The following WDR64 variants were observed in gnomAD, a reference collection of about 807,000 sequenced individuals.
WDR64 encodes the protein WD repeat domain 64, also known as WD repeat-containing protein 64.
Under a neutral mutation model 139.3 loss-of-function variants are expected in WDR64, and 112 were observed. That is an observed-to-expected ratio of 0.80 (90% CI 0.69 to 0.94). The LOEUF (loss-of-function observed/expected upper bound fraction) is 0.94, where lower values mean the gene tolerates loss of function less well. Among genes scored for constraint, WDR64 ranks in the 40% least tolerant of loss-of-function variants. WDR64 has a pLI of 0.00. For synonymous variants in WDR64, 444 were observed against 437.7 expected, an observed-to-expected ratio of 1.01 and a Z score of -0.18; for missense variants, 1,206 against 1,293.1, an observed-to-expected ratio of 0.93 and a Z score of 1.03.
chr1:241,791,980 T>C (rs1659227491), intron 25 of WDR64, among the ~76,000 whole-genome samples: 1 of 152,230 alleles, frequency 6.6e-6, no homozygotes, highest in Non-Finnish European at 1.5e-5. Context: ...AGATATAAAA[T>C]GATTCTTTAA....
At chr1:241,692,983 A>G (rs1558475593) in intron 8 of WDR64, among the ~76,000 whole-genome samples, 1 of 152,218 alleles carries the variant, frequency 6.6e-6, no homozygotes, top group Non-Finnish European at 1.5e-5. Context: ...TGGTGCAGTG[A>G]CTTTAGAATT....
intron 26 of WDR64, 111 bp from the exon 27 acceptor site, chr1:241,796,146 G>C: frequency 1.9e-6 from 1 of 521,856 alleles, no homozygotes; most frequent in Non-Finnish European, 3.4e-6. Context: ...AAGAAGGGGG[G>C]TGTGTATTTT....
chr1:241,680,061 A>T (rs146784630), intron 6 of WDR64, among the ~76,000 whole-genome samples: 2 of 152,314 alleles, frequency 1.3e-5, no homozygotes, highest in African/African-American at 4.8e-5. Context: ...ATTTGCAGAC[A>T]CTTAGAAGTA....
At chr1:241,690,684 CA>C (rs1252362333) in intron 8 of WDR64, among the ~76,000 whole-genome samples, 6 of 151,700 alleles carry the variant, frequency 4.0e-5, no homozygotes. Flanking sequence ...CTTTCTCGGA[CA>C]AACAGAAATT....
At chr1:241,758,665 CAAACTGTCCCATCTG>C (rs903128143) in intron 15 of WDR64, among the ~76,000 whole-genome samples, 3 of 152,056 alleles carry the variant, frequency 2.0e-5, no homozygotes, top group Admixed American at 2.0e-4. Flanking sequence ...TATTGATGCC[CAAACTGTCCCATCTG>C]AAACTGGTTG....
In WDR64 at chr1:241,705,523, T is replaced by C. The variant is rs184181444; in HGVS notation, c.975-6279T>C. On this transcript the variant is annotated intron_variant, in intron 8 of 27. Transcript: ENST00000437684. ...CGCCACTGCACTCCAGCCTGGGCGA[T>C]AGAGCAAGACTCTGTCTCTAAAAAA... 8.2e-3 allele frequency among the ~76,000 whole-genome samples: 1,212 copies of C among 147,050 alleles called. 16 individuals carry two copies. Among genetic ancestry groups the C allele is most frequent in the African/African-American group, 0.027 (1,085 of 39,690 alleles).
At chr1:241,694,974 C>A (rs10926536) in intron 8 of WDR64, among the ~76,000 whole-genome samples, 101,094 of 152,082 alleles carry the variant, frequency 0.66, 34,864 homozygotes, top group African/African-American at 0.85. Context: ...TAAGATAAAA[C>A]ATACAGACAT....
intron 13 of WDR64, among the ~76,000 whole-genome samples, chr1:241,746,358 A>C (rs1014725183): frequency 1.3e-5 from 2 of 152,058 alleles, no homozygotes; most frequent in African/African-American, 2.4e-5. Flanking sequence ...AGAATTCTCT[A>C]CTCTGAGCAA....
At chr1:241,685,178 TA>T (rs1455554345) in intron 7 of WDR64, among the ~76,000 whole-genome samples, 1 of 149,994 alleles carries the variant, frequency 6.7e-6, no homozygotes, top group Non-Finnish European at 1.5e-5. Context: ...ACATAAATGA[TA>T]TATATTTATA....
At chr1:241,667,838 C>T (rs748866151) in intron 2 of WDR64, among the ~76,000 whole-genome samples, 32 of 152,164 alleles carry the variant, frequency 2.1e-4, no homozygotes, top group Non-Finnish European at 4.3e-4. Context: ...AACTGACAGC[C>T]AATAAGTGGA....
At chr1:241,796,435 T>A (rs1250188394) in intron 27 of WDR64, 65 bp downstream of exon 27, 7 of 1,069,072 alleles carry the variant, frequency 6.5e-6, no homozygotes, top group East Asian at 2.6e-5. Context: ...TTTGTTTTTT[T>A]AAAAATATGT....
At chr1:241,719,140 CA>C (rs2148191194) in intron 9 of WDR64, among the ~76,000 whole-genome samples, 1 of 152,098 alleles carries the variant, frequency 6.6e-6, no homozygotes, top group African/African-American at 2.4e-5. Context: ...AATGACCTTC[CA>C]AAAAAATTAG....
At chr1:241,757,600 A>ACTT in intron 15 of WDR64, 141 bp downstream of exon 15, 1 of 618,014 alleles carries the variant, frequency 1.6e-6, no homozygotes, top group Non-Finnish European at 2.5e-6. Flanking sequence ...ATATGACCAA[A>ACTT]CTTACTCCTT....
chr1:241,711,972 AT>A, intron 9 of WDR64, 91 bp downstream of exon 9: 1 of 1,214,490 alleles, frequency 8.2e-7, no homozygotes, highest in Non-Finnish European at 1.2e-6. Context: ...ACATTAGGGA[AT>A]TTACAAATTT....
intron 10 of WDR64, among the ~76,000 whole-genome samples, chr1:241,731,072 A>T (rs1418458032): frequency 2.0e-5 from 3 of 152,242 alleles, no homozygotes; most frequent in Non-Finnish European, 2.9e-5. Flanking sequence ...TTACAAAGCC[A>T]GTGTACTTTA....
chr1:241,736,728 G>A (rs1669341785), intron 10 of WDR64, among the ~76,000 whole-genome samples: 2 of 152,088 alleles, frequency 1.3e-5, no homozygotes, highest in African/African-American at 2.4e-5. Flanking sequence ...GAAGGCAAAA[G>A]CAAACATAAT....
rs12569048 is a variant in WDR64, at chr1:241,772,647, G to A, written c.2291-145G>A. On this transcript the variant is annotated intron_variant, in intron 19 of 27. Transcript: ENST00000437684. ...CTGGCTAATTTTTGTATTTTTAGTA[G>A]AGACGGGGTTTCACCATGTTGGCCA... 3 of 750,246 alleles carry A rather than the reference G, an allele frequency of 4.0e-6. No individual in the cohort carries two copies. In the African/African-American group the frequency reaches 5.5e-5, roughly 14 times the overall value. The allele number at this position is 750,246 out of a possible 1,614,324, so 46.5% of individuals were successfully genotyped here. A position where few individuals can be genotyped will look rare whatever the true frequency, so the allele number is the denominator to read the frequency against.
chr1:241,655,692 C>CTT (rs945395254), intron 1 of WDR64, among the ~76,000 whole-genome samples: 49 of 48,740 alleles, frequency 1.0e-3, no homozygotes, highest in Admixed American at 4.9e-3. Flanking sequence ...TATGGAGTGC[C>CTT]TTTTTTTCTT....
chr1:241,744,743 A>C (rs1332560398), intron 13 of WDR64, among the ~76,000 whole-genome samples: 1 of 152,198 alleles, frequency 6.6e-6, no homozygotes, highest in Non-Finnish European at 1.5e-5. Context: ...GCATTTACAT[A>C]GTTGCTTTAA....
Sources: gnomAD v4.1 joint callset for allele counts (sites outside exome capture counted in the v4.1 genomes callset) on GRCh38, gnomAD v4.1.1 for gene constraint, MANE v1.5 for transcripts, NCBI Gene and HGNC (gene_info 2026-07-23, HGNC 2026-07-21) for gene names.